Variants in FRMD4A observed in about 807,000 individuals in gnomAD.
The protein encoded by FRMD4A is FERM domain-containing protein 4A.
In FRMD4A, 29 loss-of-function variants were observed where a neutral mutation model predicts 129.1. The ratio of observed to expected loss-of-function variants is 0.22; its 90% CI spans 0.17 to 0.31. The LOEUF (loss-of-function observed/expected upper bound fraction) is 0.31. Ranked by LOEUF, FRMD4A falls within the 10% of genes least tolerant of loss-of-function variation. The pLI is 1.00. For missense variants in FRMD4A, 1,272 were observed against 1,375.8 expected (o/e 0.92, Z 1.19); for synonymous variants, 634 against 571.6 (o/e 1.11, Z -1.56).
chr10:13,953,051 G>C (rs10508469), intron 2 of FRMD4A, among the ~76,000 whole-genome samples: 19,101 of 152,016 alleles, frequency 0.13, 1,475 homozygotes, highest in Non-Finnish European at 0.15. Context: ...TGAGGATGGT[G>C]GTCATAGCTA....
rs930313886 is a variant in FRMD4A at position 13,811,044 on chromosome 10, A to T, written c.112-136T>A. 5.2e-5 allele frequency: 29 copies of T among 556,744 alleles called. 1 individual carries two copies. The African/African-American group carries it at 5.4e-4, about 10-fold the overall frequency. 34.5% of individuals were successfully genotyped at this position (556,744 alleles called of 1,614,324 possible). On this transcript the variant is annotated intron_variant, in intron 3 of 24. Transcript: ENST00000357447. ...TATTTTGAAGCAAATGATTTTTATA[A>T]ACCCAAACAAATAGACAATGACACT...
intron 2 of FRMD4A, among the ~76,000 whole-genome samples, chr10:14,071,649 T>C (rs578084644): frequency 1.2e-4 from 18 of 152,116 alleles, no homozygotes; most frequent in Non-Finnish European, 2.6e-4. Flanking sequence ...TACAAATTAT[T>C]ACTGTCCTTA....
At chr10:14,062,694 A>C (rs2131704468) in intron 2 of FRMD4A, among the ~76,000 whole-genome samples, 1 of 152,310 alleles carries the variant, frequency 6.6e-6, no homozygotes, top group East Asian at 1.9e-4. Flanking sequence ...CTGTGAGGGA[A>C]TTATCTCACA....
chr10:14,330,153 C>T lies in FRMD4A; in HGVS notation c.-51G>A. ...CTGCTGCCGAGTCAGTCCTCCTGGG[C>T]CCCGGGTGGCTACAGAGCATCCAAA... On this transcript the variant is annotated 5_prime_UTR_variant, in exon 2 of 25. Coordinates refer to ENST00000357447, the MANE Select transcript of FRMD4A (RefSeq NM_018027.5). 1 of 1,536,114 alleles carries T rather than the reference C, an allele frequency of 6.5e-7. No homozygotes were observed. Among genetic ancestry groups the T allele is most frequent in the African/African-American group, 1.4e-5 (1 of 72,808 alleles).
At chr10:14,042,162 T>C (rs1193681270) in intron 2 of FRMD4A, among the ~76,000 whole-genome samples, 1 of 152,242 alleles carries the variant, frequency 6.6e-6, no homozygotes, top group Admixed American at 6.5e-5. Context: ...CTTTATGTTC[T>C]TAGCTCCCAC....
chr10:14,068,996 T>C (rs12770674), intron 2 of FRMD4A, among the ~76,000 whole-genome samples: 33,305 of 151,874 alleles, frequency 0.22, 4,210 homozygotes, highest in East Asian at 0.42. Context: ...TGCATCATTT[T>C]TGTTTTCTGT....
chr10:14,263,684 G>C (rs754469446), intron 2 of FRMD4A, among the ~76,000 whole-genome samples: 1 of 152,110 alleles, frequency 6.6e-6, no homozygotes, highest in Non-Finnish European at 1.5e-5. Context: ...GGCCCTCTAA[G>C]CTCCTTCGTG....
At chr10:13,669,057 G>GTTTTTTTTT (rs56706198) in intron 17 of FRMD4A, among the ~76,000 whole-genome samples, 2 of 97,460 alleles carry the variant, frequency 2.1e-5, no homozygotes, top group Non-Finnish European at 4.0e-5. Context: ...CTGAGCTTTA[G>GTTTTTTTTT]TTTTTTTTTT....
chr10:13,718,975 G>GAA (rs1284034393), intron 12 of FRMD4A, among the ~76,000 whole-genome samples: 3 of 151,940 alleles, frequency 2.0e-5, no homozygotes, highest in Non-Finnish European at 2.9e-5. Flanking sequence ...TGTTGAGTGA[G>GAA]TGAATGAATG....
intron 2 of FRMD4A, among the ~76,000 whole-genome samples, chr10:13,887,370 C>G (rs1300170790): frequency 1.3e-5 from 2 of 152,162 alleles, no homozygotes; most frequent in African/African-American, 4.8e-5. Context: ...GGAAAATGCC[C>G]AATTTCCACT....
intron 2 of FRMD4A, among the ~76,000 whole-genome samples, chr10:13,963,369 C>A (rs144395016): frequency 6.7e-6 from 1 of 149,788 alleles, no homozygotes; most frequent in Admixed American, 6.7e-5. Context: ...TGCAGGGCAT[C>A]GCTCTTTAAA....
intron 2 of FRMD4A, among the ~76,000 whole-genome samples, chr10:14,145,814 C>T (rs943206218): frequency 3.3e-5 from 5 of 152,128 alleles, no homozygotes; most frequent in African/African-American, 1.2e-4. Flanking sequence ...ACCAAAAACA[C>T]TGGGGGCATG....
intron 2 of FRMD4A, among the ~76,000 whole-genome samples, chr10:13,882,745 C>T (rs1241244262): frequency 6.6e-6 from 1 of 152,024 alleles, no homozygotes; most frequent in African/African-American, 2.4e-5. Flanking sequence ...CAAATGAACA[C>T]TGGTGTATTG....
chr10:13,696,385 A>G (rs2086228249), intron 14 of FRMD4A, among the ~76,000 whole-genome samples: 2 of 152,200 alleles, frequency 1.3e-5, no homozygotes, highest in Non-Finnish European at 2.9e-5. Context: ...TGATGTAACA[A>G]TAACTCACGA....
intron 19 of FRMD4A, 51 bp downstream of exon 19, chr10:13,663,402 C>G: frequency 3.1e-6 from 3 of 969,826 alleles, no homozygotes; most frequent in Non-Finnish European, 5.1e-6. Flanking sequence ...AGAAATTCAT[C>G]TCTGTTTACT....
chr10:13,733,312 C>T (rs1424716823), intron 12 of FRMD4A, among the ~76,000 whole-genome samples: 1 of 152,256 alleles, frequency 6.6e-6, no homozygotes, highest in Non-Finnish European at 1.5e-5. Context: ...GGCTTCTTAA[C>T]AATGGCTCCA....
intron 2 of FRMD4A, among the ~76,000 whole-genome samples, chr10:13,967,938 TGGGAGG>T (rs1315001797): frequency 6.6e-6 from 1 of 152,140 alleles, no homozygotes; most frequent in Non-Finnish European, 1.5e-5. Context: ...CCCAACTACT[TGGGAGG>T]CTGAGGTGGA....
intron 15 of FRMD4A, among the ~76,000 whole-genome samples, chr10:13,687,863 G>A (rs114583815): frequency 0.011 from 1,747 of 152,298 alleles, 27 homozygotes; most frequent in African/African-American, 0.04. Context: ...ACTCAGTGCT[G>A]CATGGGGAGG....
chr10:14,245,971 A>G lies in FRMD4A; in HGVS notation c.45+84087T>C, dbSNP rs1047872787. The stretch of plus-strand genomic sequence containing the variant: ...GGCTGTGCCTGAAAGAGGACACAGC[A>G]GCACAGCAGCCACACAGAACCTCCC... On this transcript the variant is annotated intron_variant, in intron 2 of 24. Coordinates refer to ENST00000357447, the MANE Select transcript of FRMD4A (RefSeq NM_018027.5). 5.3e-5 allele frequency among the ~76,000 whole-genome samples: 8 copies of G among 152,206 alleles called. No individual in the cohort carries two copies. The East Asian group carries it at 1.5e-3, about 29-fold the overall frequency.
Sources: allele counts gnomAD v4.1 joint callset (sites outside exome capture counted in the v4.1 genomes callset), GRCh38; gene constraint gnomAD v4.1.1; transcripts MANE v1.5; gene names NCBI Gene and HGNC (gene_info 2026-07-23, HGNC 2026-07-21).